TNFAIP2: variants seen among roughly 807,000 people sequenced by gnomAD.
TNFAIP2 encodes TNF alpha induced protein 2.
TNFAIP2 carries 47 observed loss-of-function variants against 63.5 expected under a neutral mutation model. The observed-to-expected ratio is 0.74, with a 90% CI of 0.59 to 0.94. TNFAIP2 has a LOEUF of 0.94. Among genes scored for constraint, TNFAIP2 ranks in the 40% least tolerant of loss-of-function variants. TNFAIP2 has a pLI of 0.00. For synonymous variants in TNFAIP2, 405 were observed against 390.2 expected (o/e 1.04, Z -0.45); for missense variants, 787 against 850.2 (o/e 0.93, Z 0.92).
chr14:103,133,831 C>T (rs2088041839), intron 11 of TNFAIP2, 28 bp downstream of exon 11: 1 of 1,565,570 alleles, frequency 6.4e-7, no homozygotes, highest in East Asian at 2.3e-5. Context: ...CTCAGGACCA[C>T]TGTCACATCA....
intron 10 of TNFAIP2, 67 bp downstream of exon 10, chr14:103,133,584 G>C: frequency 6.3e-7 from 1 of 1,589,188 alleles, no homozygotes; most frequent in Non-Finnish European, 8.6e-7. Flanking sequence ...AGCCCTTTCA[G>C]GGTCGGAGAT....
Position 103,127,519 on chromosome 14 carries a change from C to T in TNFAIP2, c.750C>T (p.Ala250=), listed in dbSNP as rs530883212. Residue 250 remains alanine (A), a synonymous_variant, in exon 3 of 12, where the codon GCC becomes GCT. Transcript: ENST00000560869. This position sits in a 1 kb window ranked among gnomAD's most constrained non-coding sequence, Gnocchi z 5.1. ...PAEFGVVAAY[A]ESYHQHFAAH... is the part of the protein sequence containing the mutation. Reference sequence around the variant, plus strand: ...AGTTCGGCGTCGTGGCGGCCTACGCCGAGAGCTACCACCAGCACTTCGCGG... The same window carrying T: ...AGTTCGGCGTCGTGGCGGCCTACGCTGAGAGCTACCACCAGCACTTCGCGG... 121 of 1,589,658 alleles carry T rather than the reference C, an allele frequency of 7.6e-5. No individual in the cohort carries two copies. The highest frequency in any genetic ancestry group is 9.3e-5 in the African/African-American group (7 of 74,950).
chr14:103,122,701 G>T, upstream of TNFAIP2: 1 of 456,076 alleles, frequency 2.2e-6, no homozygotes, highest in Non-Finnish European at 4.4e-6. Context: ...CGAGGCCCTG[G>T]AGTCTGGGCC....
chr14:103,136,742 G>A lies in TNFAIP2; in HGVS notation c.*1382G>A, dbSNP rs2088102082. The A allele has an allele frequency of 6.6e-6, 1 of 152,180 alleles. No individual in the cohort carries two copies. The allele number at this position is 152,180 out of a possible 1,614,324, so 9.4% of individuals were successfully genotyped here. On this transcript the variant is annotated 3_prime_UTR_variant, in exon 12 of 12. Coordinates refer to ENST00000560869, the MANE Select transcript of TNFAIP2 (RefSeq NM_006291.4). ...GCTTGTCTGGAACTCCTGGGCTCAA[G>A]GGATCTTGTAGCCTTAGCCTCCTAA...
chr14:103,131,276 G>C lies in TNFAIP2; in HGVS notation c.1298+126G>C. 1 of 1,030,568 alleles carries C rather than the reference G, an allele frequency of 9.7e-7. No individual in the cohort carries two copies. The highest frequency in any genetic ancestry group is 2.5e-5 in the East Asian group (1 of 40,680). 63.8% of individuals were successfully genotyped at this position (1,030,568 alleles called of 1,614,324 possible). ...TGGAATTCAAACCAGCAACATGTGT[G>C]AGGACTCCACGGCCTGCAGCAGCAG... is the stretch of plus-strand genomic sequence containing the variant. On this transcript the variant is annotated intron_variant, in intron 7 of 11. Coordinates refer to ENST00000560869, the MANE Select transcript of TNFAIP2 (RefSeq NM_006291.4). This position sits in a 1 kb window ranked among gnomAD's most constrained non-coding sequence, Gnocchi z 4.0.
In TNFAIP2 at chr14:103,135,125, C is replaced by G; in HGVS notation, c.1824-94C>G. 2 of 1,533,478 alleles carry G rather than the reference C, an allele frequency of 1.3e-6. No homozygotes were observed. The highest frequency in any genetic ancestry group is 3.4e-5 in the Admixed American group (2 of 59,374). 95.0% of individuals were successfully genotyped at this position (1,533,478 alleles called of 1,614,324 possible). A position where few individuals can be genotyped will look rare whatever the true frequency, so the allele number is the denominator to read the frequency against. On this transcript the variant is annotated intron_variant, in intron 11 of 11. Transcript: ENST00000560869. The surrounding 1 kb of genome is among the most constrained non-coding windows in gnomAD (Gnocchi z 7.6). ...AGCCCCCTCGTGGGCCGGGCGTTGG[C>G]TGTCGGGCCCTGTGGCACTGGCCGG...
intron 6 of TNFAIP2, 148 bp from the exon 7 acceptor site, chr14:103,130,904 G>T: frequency 1.4e-6 from 1 of 738,068 alleles, no homozygotes. Context: ...CCAGTTCCAT[G>T]ATGCCCAGGG....
In TNFAIP2 at chr14:103,127,079, C is replaced by T; in HGVS notation, c.310C>T (p.Leu104=). The T allele has an allele frequency of 1.8e-6, 2 of 1,119,100 alleles. No homozygotes were observed. The highest frequency in any genetic ancestry group is 1.1e-6 in the Non-Finnish European group (1 of 916,928). 69.3% of individuals were successfully genotyped at this position (1,119,100 alleles called of 1,614,324 possible). A position where few individuals can be genotyped will look rare whatever the true frequency, so the allele number is the denominator to read the frequency against. ...ARPLLALERE[L]AAAAAAGGVS... is the part of the protein sequence containing the mutation. ...GCCGCTGCTGGCGCTGGAGCGGGAG[C>T]TGGCGGCGGCGGCGGCGGCGGGCGG... is the stretch of plus-strand genomic sequence containing the variant. The change falls in exon 3 of 12, where the codon CTG becomes TTG. Residue 104 remains leucine, a synonymous_variant. Coordinates refer to ENST00000560869, the MANE Select transcript of TNFAIP2 (RefSeq NM_006291.4). The surrounding 1 kb of genome is among the most constrained non-coding windows in gnomAD (Gnocchi z 5.1).
At chr14:103,122,771 G>C (rs776218101), upstream of TNFAIP2, 1 of 454,736 alleles carries the variant, frequency 2.2e-6, no homozygotes, top group South Asian at 1.5e-5. Flanking sequence ...AGCCCCAGAG[G>C]GGGAAAGGCT....
chr14:103,131,051 G>A lies in TNFAIP2; in HGVS notation c.1200-1G>A, dbSNP rs368529897. On this transcript the variant is annotated splice_acceptor_variant, in intron 6 of 11. Coordinates refer to ENST00000560869, the MANE Select transcript of TNFAIP2 (RefSeq NM_006291.4). LOFTEE classifies it high-confidence loss of function. The surrounding 1 kb of genome is among the most constrained non-coding windows in gnomAD (Gnocchi z 4.0). ...GAATGTGCCCCTTCTGGTTTCGCCAGCTACCAGCGCGCCTTTAATGAATTT... is the reference window on the plus strand; with the variant it reads ...GAATGTGCCCCTTCTGGTTTCGCCAACTACCAGCGCGCCTTTAATGAATTT... 1.2e-6 allele frequency: 2 copies of A among 1,614,034 alleles called. No homozygotes were observed. Among genetic ancestry groups the A allele is most frequent in the African/African-American group, 2.7e-5 (2 of 74,946 alleles).
At position 103,127,080 on chromosome 14, in the gene TNFAIP2, T is replaced by TGGCGGCGGCGGC. The variant is rs8176385; in HGVS notation, c.320_331dup (p.Ala107_Ala110dup). 1.8e-6 allele frequency: 2 copies of TGGCGGCGGCGGC among 1,114,762 alleles called. No homozygotes were observed. The highest frequency in any genetic ancestry group is 2.2e-6 in the Non-Finnish European group (2 of 914,240). The allele number at this position is 1,114,762 out of a possible 1,614,324, so 69.1% of individuals were successfully genotyped here. ...CCGCTGCTGGCGCTGGAGCGGGAGCTGGCGGCGGCGGCGGCGGCGGGCGGT... is the reference window on the plus strand; with the variant it reads ...CCGCTGCTGGCGCTGGAGCGGGAGCTGGCGGCGGCGGCGGCGGCGGCGGCGGCGGCGGGCGGT... On this transcript the variant is annotated inframe_insertion, in exon 3 of 12. Transcript: ENST00000560869. The surrounding 1 kb of genome is among the most constrained non-coding windows in gnomAD (Gnocchi z 5.1).
chr14:103,127,875 C>T lies in TNFAIP2; in HGVS notation c.860+246C>T, dbSNP rs777433792. Reference sequence around the variant, plus strand: ...GCGTTGCTCTTGGAATCCTTAATTTCCTGGGCCTCAGTCACATTCTGCTGT... The same window carrying T: ...GCGTTGCTCTTGGAATCCTTAATTTTCTGGGCCTCAGTCACATTCTGCTGT... On this transcript the variant is annotated intron_variant, in intron 3 of 11. Coordinates refer to ENST00000560869, the MANE Select transcript of TNFAIP2 (RefSeq NM_006291.4). This position sits in a 1 kb window ranked among gnomAD's most constrained non-coding sequence, Gnocchi z 5.1. Among the ~76,000 whole-genome samples, 2 of 152,192 alleles carry T rather than the reference C, an allele frequency of 1.3e-5. No individual in the cohort carries two copies. The highest frequency in any genetic ancestry group is 2.9e-5 in the Non-Finnish European group (2 of 68,040).
Position 103,135,346 on chromosome 14 carries a change from A to T in TNFAIP2, c.1951A>T (p.Ile651Leu), listed in dbSNP as rs1389212336. The change falls in exon 12 of 12, where the codon ATA (isoleucine) becomes TTA (leucine). Residue 651 changes from isoleucine to leucine, a missense_variant. Ile to Leu is a conservative substitution (Grantham distance 5, BLOSUM62 2). This residue lies in a region of TNFAIP2 where 523 missense variants were observed against 604.1 expected (regional missense o/e 0.87). Transcript: ENST00000560869. The surrounding 1 kb of genome is among the most constrained non-coding windows in gnomAD (Gnocchi z 7.6). The stretch of plus-strand genomic sequence containing the variant: ...GCCCTCCCGGCCCCTATTTTCCCTT[A>T]TAAAGGTTGGTTAGCTTTTCCTGTG... ...QEPSRPLFSL[I>L]KVG 6.2e-7 allele frequency: 1 copy of T among 1,609,220 alleles called. No homozygotes were observed. The highest frequency in any genetic ancestry group is 8.5e-7 in the Non-Finnish European group (1 of 1,177,686).
chr14:103,126,534 C>T lies in TNFAIP2; in HGVS notation c.77C>T (p.Ala26Val). 2 of 1,577,756 alleles carry T rather than the reference C, an allele frequency of 1.3e-6. No individual in the cohort carries two copies. Among genetic ancestry groups the T allele is most frequent in the Admixed American group, 1.8e-5 (1 of 54,380 alleles). The change falls in exon 2 of 12, where the codon GCG becomes GTG. Residue 26 changes from alanine (A) to valine (V), a missense_variant. By Grantham distance (64) the Ala-to-Val change is moderately conservative. Transcript: ENST00000560869. Reference sequence around the variant, plus strand: ...GCCCCATATAGGGAGGAGGAAGAGGCGGCGAAGAAGAAGAAGGAGAAGAAG... The same window carrying T: ...GCCCCATATAGGGAGGAGGAAGAGGTGGCGAAGAAGAAGAAGGAGAAGAAG... The part of the protein sequence containing the change: ...GAAPYREEEE[A>V]AKKKKEKKKK...
chr14:103,133,468 G>A lies in TNFAIP2; in HGVS notation c.1652G>A (p.Gly551Glu). The A allele has an allele frequency of 1.9e-6, 3 of 1,613,880 alleles. 1 individual carries two copies. The highest frequency in any genetic ancestry group is 8.5e-7 in the Non-Finnish European group (1 of 1,180,008). The change falls in exon 10 of 12, where the codon GGG becomes GAG. Residue 551 changes from glycine (G) to glutamate (E), a missense_variant. Transcript: ENST00000560869. ...KTAEQQQQLA[G>E]YILANADTIQ... ...GCCGAGCAGCAGCAGCAGCTGGCTG[G>A]GTACATCCTGGCCAATGCTGACACC...
At position 103,131,985 on chromosome 14, in the gene TNFAIP2, AGGGGCCGCCTGGGGCTGGG is replaced by A; in HGVS notation, c.1422+224_1422+242del. 2.2e-4 allele frequency among the ~76,000 whole-genome samples: 1 copy of A among 4,614 alleles called. No individual in the cohort carries two copies. The highest frequency in any genetic ancestry group is 2.8e-3 in the African/African-American group (1 of 352). The allele number at this position is 4,614 out of a possible 152,430, so 3.0% of individuals were successfully genotyped here. On this transcript the variant is annotated intron_variant, in intron 8 of 11. Transcript: ENST00000560869. This position sits in a 1 kb window ranked among gnomAD's most constrained non-coding sequence, Gnocchi z 4.0. ...ATCATGTCCTGGGGTTTCACCTGAG[AGGGGCCGCCTGGGGCTGGG>A]AGGGGCCGCCTGGGGCTGGGAGGGG...
In TNFAIP2 at chr14:103,127,529, C is replaced by T. The variant is rs2087885367; in HGVS notation, c.760C>T (p.His254Tyr). ...GVVAAYAESY[H>Y]QHFAAHLAAV... ...CGTGGCGGCCTACGCCGAGAGCTAC[C>T]ACCAGCACTTCGCGGCCCACCTGGC... Residue 254 changes from histidine (H) to tyrosine (Y), a missense_variant, in exon 3 of 12, where the codon CAC becomes TAC. This residue lies in a region of TNFAIP2 where 523 missense variants were observed against 604.1 expected (regional missense o/e 0.87). Coordinates refer to ENST00000560869, the MANE Select transcript of TNFAIP2 (RefSeq NM_006291.4). The surrounding 1 kb of genome is among the most constrained non-coding windows in gnomAD (Gnocchi z 5.1). The T allele has an allele frequency of 6.3e-7, 1 of 1,589,486 alleles. No individual in the cohort carries two copies. Among genetic ancestry groups the T allele is most frequent in the Non-Finnish European group, 8.5e-7 (1 of 1,175,020 alleles).
chr14:103,130,252 C>G, intron 5 of TNFAIP2, 63 bp from the exon 6 acceptor site: 1 of 1,529,546 alleles, frequency 6.5e-7, no homozygotes, highest in Non-Finnish European at 8.8e-7. Flanking sequence ...CCTGTTTCCT[C>G]CCCGTCCCCT....
intron 8 of TNFAIP2, among the ~76,000 whole-genome samples, chr14:103,132,052 G>A (rs925485519): frequency 8.1e-6 from 1 of 122,970 alleles, no homozygotes; most frequent in Non-Finnish European, 1.7e-5. Flanking sequence ...GGGAGGGGCC[G>A]CCTGGGGCTG....
Sources: allele counts gnomAD v4.1 joint callset (sites outside exome capture counted in the v4.1 genomes callset), GRCh38; gene constraint gnomAD v4.1.1; regional missense constraint gnomAD v4.1.1; non-coding constraint Gnocchi (gnomAD v3.1); transcripts MANE v1.5; gene names NCBI Gene and HGNC (gene_info 2026-07-23, HGNC 2026-07-21).